The following LBR variants were observed in gnomAD, a reference collection of about 807,000 sequenced individuals.
LBR encodes lamin B receptor, also known as delta(14)-sterol reductase LBR.
A neutral mutation model predicts 74.3 loss-of-function variants in LBR; 28 were observed. The observed-to-expected ratio is 0.38, with a 90% CI of 0.28 to 0.52. The LOEUF (loss-of-function observed/expected upper bound fraction) is 0.52, where lower values mean the gene tolerates loss of function less well. LBR is among the 20% of genes least tolerant of loss of function. The pLI is 0.89. For missense variants in LBR, 717 were observed against 760.3 expected, an observed-to-expected ratio of 0.94 and a Z score of 0.67; for synonymous variants, 228 against 269.3, an observed-to-expected ratio of 0.85 and a Z score of 1.50.
intron 13 of LBR, 29 bp downstream of exon 13, chr1:225,404,375 T>C: frequency 6.2e-7 from 1 of 1,613,056 alleles, no homozygotes; most frequent in Non-Finnish European, 8.5e-7. Context: ...GCTAAAAGGG[T>C]CAAACTAGCA....
chr1:225,411,273 T>G, intron 9 of LBR, 64 bp downstream of exon 9: 1 of 1,175,326 alleles, frequency 8.5e-7, no homozygotes, highest in South Asian at 1.2e-5. Context: ...ATGGTCTACA[T>G]TTCTTTCTAG....
rs370194774 is a variant in LBR, at chr1:225,423,426, C to T, written c.165+485G>A. On this transcript the variant is annotated intron_variant, in intron 2 of 13. Coordinates refer to ENST00000272163, the MANE Select transcript of LBR (RefSeq NM_002296.4). ...GAATATAAAAGCCCCCCCAGCCTGG[C>T]TCCTGCTTAGCCCTCCCCTACCACC... Among the ~76,000 whole-genome samples the T allele has an allele frequency of 1.4e-4, 21 of 152,190 alleles. No homozygotes were observed. The East Asian group carries it at 1.7e-3, about 13-fold the overall frequency.
chr1:225,403,403 C>A lies in LBR; in HGVS notation c.1748G>T (p.Arg583Leu), dbSNP rs587777172. The change falls in exon 14 of 14, where the codon CGA (arginine) becomes CTA (leucine). Residue 583 changes from arginine to leucine, a missense_variant. Physicochemically the swap from Arg to Leu is moderately radical, Grantham distance 102. Transcript: ENST00000272163. ...IIYFTMLLVH[R>L]EARDEYHCKK... ...ACAGTGGTACTCGTCACGAGCTTCTCGGTGGACAAGCAACATGGTGAAATA... is the reference window on the plus strand; with the variant it reads ...ACAGTGGTACTCGTCACGAGCTTCTAGGTGGACAAGCAACATGGTGAAATA... The A allele has an allele frequency of 3.1e-6, 5 of 1,613,228 alleles. No individual in the cohort carries two copies. The highest frequency in any genetic ancestry group is 4.2e-6 in the Non-Finnish European group (5 of 1,179,670).
chr1:225,423,924 T>C lies in LBR; in HGVS notation c.152A>G (p.Glu51Gly). Residue 51 changes from glutamate (E) to glycine (G), a missense_variant, in exon 2 of 14, where the codon GAG becomes GGG. Glu to Gly is a moderately conservative substitution (Grantham distance 98). Transcript: ENST00000272163. ...YKDGTELELK[E>G]NDIKPLTSFR... ...AGGAGCTCTTACCTTAATATCATTC[T>C]CTTTCAATTCAAGCTCTGTTCCATC... 1 of 1,613,676 alleles carries C rather than the reference T, an allele frequency of 6.2e-7. No homozygotes were observed.
rs2096128319 is a variant in LBR, at chr1:225,422,073, G to C, written c.366+4C>G. 6.2e-7 allele frequency: 1 copy of C among 1,613,398 alleles called. No individual in the cohort carries two copies. On this transcript the variant is annotated splice_donor_region_variant and intron_variant, in intron 3 of 13. Transcript: ENST00000272163. ...AAAGGCTGTATAAGGATAAACACAA[G>C]TACCAGAATCAGCGGAGTCAATTTA...
rs1353073283 is a variant in LBR, at chr1:225,410,556, C to T, written c.1189-140G>A. 22 of 833,554 alleles carry T rather than the reference C, an allele frequency of 2.6e-5. No homozygotes were observed. In the South Asian group the frequency reaches 3.0e-4, roughly 11 times the overall value. 51.6% of individuals were successfully genotyped at this position (833,554 alleles called of 1,614,324 possible). On this transcript the variant is annotated intron_variant, in intron 9 of 13. Transcript: ENST00000272163. ...CTACCCGCCACCAGGAATAAGACATCTCAGCACCATGGGCCCCTGGACCCA... is the reference window on the plus strand; with the variant it reads ...CTACCCGCCACCAGGAATAAGACATTTCAGCACCATGGGCCCCTGGACCCA...
Position 225,403,057 on chromosome 1 carries a change from A to T in LBR, c.*246T>A. ...TCTGTTTTCAGATTAAGGGTTGAAA[A>T]TTTCCCATTAAAATGCAAATTCTCA... On this transcript the variant is annotated 3_prime_UTR_variant, in exon 14 of 14. Coordinates refer to ENST00000272163, the MANE Select transcript of LBR (RefSeq NM_002296.4). 2.0e-6 allele frequency: 1 copy of T among 498,138 alleles called. No individual in the cohort carries two copies. The highest frequency in any genetic ancestry group is 2.4e-5 in the South Asian group (1 of 42,448). 30.9% of individuals were successfully genotyped at this position (498,138 alleles called of 1,614,324 possible).
At chr1:225,410,550 A>G in intron 9 of LBR, 134 bp from the exon 10 acceptor site, 1 of 863,242 alleles carries the variant, frequency 1.2e-6, no homozygotes, top group Non-Finnish European at 1.9e-6. Flanking sequence ...ACCAGGAATA[A>G]GACATCTCAG....
In LBR at chr1:225,424,064, C is replaced by A. The variant is rs1274464371; in HGVS notation, c.12G>T (p.Arg4Ser). 6.2e-7 allele frequency: 1 copy of A among 1,614,118 alleles called. No individual in the cohort carries two copies. The highest frequency in any genetic ancestry group is 1.1e-5 in the South Asian group (1 of 91,088). ...TTACCACTTCACCATCGGCAAATTT[C>A]CTACTTGGCATTTTCTATAATTAAC... is the stretch of plus-strand genomic sequence containing the variant. The part of the protein sequence containing the change: MPS[R>S]KFADGEVVRG... The change falls in exon 2 of 14, where the codon AGG (arginine) becomes AGT (serine). Residue 4 changes from arginine (R) to serine (S), a missense_variant. Physicochemically the swap from Arg to Ser is moderately radical, Grantham distance 110 (BLOSUM62 -1). Coordinates refer to ENST00000272163, the MANE Select transcript of LBR (RefSeq NM_002296.4).
Position 225,419,803 on chromosome 1 carries a change from A to G in LBR, c.367-5T>C, listed in dbSNP as rs201626710. ...GATGCTATTTCCAAATGGCTTCTAA[A>G]TTGAAGAATATAAACATTTAATCAA... is the stretch of plus-strand genomic sequence containing the variant. On this transcript the variant is annotated splice_polypyrimidine_tract_variant and splice_region_variant and intron_variant, in intron 3 of 13. Coordinates refer to ENST00000272163, the MANE Select transcript of LBR (RefSeq NM_002296.4). 7.7e-5 allele frequency: 120 copies of G among 1,568,142 alleles called. No homozygotes were observed. In the African/African-American group the frequency reaches 1.2e-3, roughly 15 times the overall value.
chr1:225,412,804 G>A (rs1018696894), intron 7 of LBR, among the ~76,000 whole-genome samples, 159 bp from the exon 8 acceptor site: 1 of 152,108 alleles, frequency 6.6e-6, no homozygotes, highest in Non-Finnish European at 1.5e-5. Context: ...AATGTCTGAG[G>A]TATAATTTTC....
chr1:225,421,354 A>G (rs2096127155), intron 3 of LBR, among the ~76,000 whole-genome samples: 2 of 152,192 alleles, frequency 1.3e-5, no homozygotes, highest in African/African-American at 4.8e-5. Context: ...TCAGCCAGGC[A>G]TGGTGGTGGG....
intron 1 of LBR, among the ~76,000 whole-genome samples, chr1:225,426,912 C>T (rs2096140345): frequency 6.6e-6 from 1 of 152,218 alleles, no homozygotes; most frequent in Non-Finnish European, 1.5e-5. Flanking sequence ...AGAAACAAAA[C>T]TTAAACTGGA....
intron 10 of LBR, among the ~76,000 whole-genome samples, chr1:225,407,101 T>C (rs1433999991): frequency 6.6e-6 from 1 of 152,064 alleles, no homozygotes; most frequent in Non-Finnish European, 1.5e-5. Flanking sequence ...CCCTCCCCTC[T>C]GCTGACAACC....
intron 8 of LBR, among the ~76,000 whole-genome samples, 177 bp from the exon 9 acceptor site, chr1:225,411,617 G>A (rs1236221165): frequency 3.9e-5 from 6 of 152,228 alleles, no homozygotes; most frequent in Admixed American, 3.9e-4. Flanking sequence ...GGAGATGCCT[G>A]CCCGACTGAA....
At chr1:225,415,253 T>C (rs2096114786) in intron 7 of LBR, 25 bp downstream of exon 7, 1 of 1,461,054 alleles carries the variant, frequency 6.8e-7, no homozygotes, top group Non-Finnish European at 9.5e-7. Context: ...AATCATCAAT[T>C]TGAGTCTTAA....
rs1209489811 is a variant in LBR at position 225,410,292 on chromosome 1, T to G, written c.1313A>C (p.Glu438Ala). 1 of 1,614,014 alleles carries G rather than the reference T, an allele frequency of 6.2e-7. No homozygotes were observed. The highest frequency in any genetic ancestry group is 8.5e-7 in the Non-Finnish European group (1 of 1,179,974). ...LLYVVDALWN[E>A]EALLTTMDII... is the part of the protein sequence containing the mutation. ...GCCTCGGCTCTTAAAATTAATTACC[T>G]CATTCCAGAGAGCATCCACCACATA... is the stretch of plus-strand genomic sequence containing the variant. The change falls in exon 10 of 14, where the codon GAG becomes GCG. Residue 438 changes from glutamate to alanine, a missense_variant and splice_region_variant. Transcript: ENST00000272163.
chr1:225,415,070 G>T (rs572715071), intron 7 of LBR, among the ~76,000 whole-genome samples: 1 of 152,318 alleles, frequency 6.6e-6, no homozygotes, highest in East Asian at 1.9e-4. Flanking sequence ...AATAAAACTG[G>T]AGAGTGGACA....
At chr1:225,421,701 T>C (rs2096127727) in intron 3 of LBR, among the ~76,000 whole-genome samples, 1 of 152,246 alleles carries the variant, frequency 6.6e-6, no homozygotes, top group Non-Finnish European at 1.5e-5. Context: ...GGTAAAGTGA[T>C]AAAGTATAAT....
Sources: gnomAD v4.1 joint callset for allele counts (sites outside exome capture counted in the v4.1 genomes callset) on GRCh38, gnomAD v4.1.1 for gene constraint, MANE v1.5 for transcripts, NCBI Gene and HGNC (gene_info 2026-07-23, HGNC 2026-07-21) for gene names.